Variants in DNAH3 observed in about 807,000 individuals in gnomAD.
The protein encoded by DNAH3 is axonemal beta dynein heavy chain 3.
DNAH3 carries 332 observed loss-of-function variants against 432.5 expected under a neutral mutation model. That is an observed-to-expected ratio of 0.77 (90% CI 0.70 to 0.84). The LOEUF is 0.84. Ranked by LOEUF, DNAH3 falls within the 40% of genes least tolerant of loss-of-function variation. DNAH3 has a pLI of 0.00. For synonymous variants in DNAH3, 1,956 were observed against 1,900.2 expected (o/e 1.03, Z -0.76); for missense variants, 4,861 against 5,114.0 (o/e 0.95, Z 1.51).
chr16:21,159,409 C>G (rs1345133949), exon 1 of DNAH3: 5 of 1,614,016 alleles, frequency 3.1e-6, no homozygotes, highest in African/African-American at 1.3e-5. Context: ...GAGGGGCGGC[C>G]AGTGTGAGCT....
chr16:20,960,183 A>T (rs947478747), intron 53 of DNAH3, among the ~76,000 whole-genome samples: 69 of 152,134 alleles, frequency 4.5e-4, no homozygotes, highest in Non-Finnish European at 9.1e-4. Flanking sequence ...GGTCTCTTCC[A>T]CACTAGTACA....
intron 37 of DNAH3, among the ~76,000 whole-genome samples, chr16:21,027,373 C>T (rs907785988): frequency 3.3e-5 from 5 of 152,028 alleles, no homozygotes; most frequent in Admixed American, 1.3e-4. Flanking sequence ...ATATAGTGTT[C>T]GAAGTGGTGA....
At chr16:21,085,934 TATTA>T (rs946006516) in intron 19 of DNAH3, among the ~76,000 whole-genome samples, 3 of 152,076 alleles carry the variant, frequency 2.0e-5, no homozygotes, top group African/African-American at 7.2e-5. Context: ...ACCTAGCTAA[TATTA>T]ATTAATTAAT....
exon 3 of DNAH3, chr16:21,145,241 A>G: frequency 6.2e-7 from 1 of 1,613,584 alleles, no homozygotes; most frequent in Non-Finnish European, 8.5e-7. Context: ...GCCGGTTGGT[A>G]GACCTTCAGC....
At chr16:21,025,508 TAAC>T (rs2088502951) in intron 38 of DNAH3, among the ~76,000 whole-genome samples, 2 of 147,446 alleles carry the variant, frequency 1.4e-5, no homozygotes, top group Admixed American at 1.4e-4. Context: ...ATTATAGATA[TAAC>T]ATATTTATAG....
exon 46 of DNAH3, chr16:20,987,809 T>C (rs2086276988): frequency 6.2e-7 from 1 of 1,614,126 alleles, no homozygotes; most frequent in South Asian, 1.1e-5. Context: ...ACTGCATCTC[T>C]ATAAATTGTC....
chr16:21,043,098 TCTTTGCTATTGTGAATAATGCTGCA>T (rs1449294666), intron 31 of DNAH3, among the ~76,000 whole-genome samples: 3 of 152,080 alleles, frequency 2.0e-5, no homozygotes, highest in Non-Finnish European at 2.9e-5. Context: ...TGGTTCCAAG[TCTTTGCTATTGTGAATAATGCTGCA>T]GTAAACATAC....
chr16:21,119,407 A>G (rs13333275), intron 11 of DNAH3, among the ~76,000 whole-genome samples: 36,965 of 151,602 alleles, frequency 0.24, 4,601 homozygotes, highest in East Asian at 0.31. Flanking sequence ...AGAGGCAGGC[A>G]GATCGCTTGA....
chr16:21,120,438 G>A (rs549960439), intron 11 of DNAH3, among the ~76,000 whole-genome samples: 2 of 152,020 alleles, frequency 1.3e-5, no homozygotes, highest in East Asian at 1.9e-4. Flanking sequence ...CCATATATAC[G>A]GCAGATCTTG....
chr16:21,115,878 G>A (rs965328501), intron 12 of DNAH3, among the ~76,000 whole-genome samples: 1 of 152,076 alleles, frequency 6.6e-6, no homozygotes, highest in Non-Finnish European at 1.5e-5. Context: ...TTCCAAATAT[G>A]AGGCCATGAT....
intron 57 of DNAH3, 29 bp from the exon 58 acceptor site, chr16:20,944,692 A>G (rs768372250): frequency 1.4e-5 from 22 of 1,612,196 alleles, no homozygotes; most frequent in East Asian, 8.9e-5. Flanking sequence ...GTTGAAATCA[A>G]CGAGGGACCC....
At chr16:21,047,954 C>A (rs1306732867) in intron 31 of DNAH3, among the ~76,000 whole-genome samples, 3 of 151,996 alleles carry the variant, frequency 2.0e-5, no homozygotes, top group South Asian at 4.2e-4. Context: ...GTCAGTGTGC[C>A]CCTGCTGGGG....
chr16:21,039,213 GCTT>G (rs2089311568), intron 33 of DNAH3, among the ~76,000 whole-genome samples: 2 of 103,628 alleles, frequency 1.9e-5, no homozygotes, highest in Non-Finnish European at 2.0e-5. Context: ...TTATAGTGTT[GCTT>G]TTTTTTTTTT....
intron 61 of DNAH3, among the ~76,000 whole-genome samples, chr16:20,934,241 T>C (rs961842823): frequency 2.6e-5 from 4 of 152,240 alleles, no homozygotes; most frequent in African/African-American, 9.6e-5. Context: ...AAGTATATAT[T>C]GGAAGAATAG....
chr16:20,985,733 C>G lies in DNAH3; in HGVS notation c.7027-18G>C. The G allele has an allele frequency of 6.2e-7, 1 of 1,603,258 alleles. No individual in the cohort carries two copies. Among genetic ancestry groups the G allele is most frequent in the Admixed American group, 1.7e-5 (1 of 59,418 alleles). On this transcript the variant is annotated intron_variant, in intron 47 of 61. Coordinates refer to ENST00000261383, the Ensembl canonical transcript of DNAH3. ...ATAAGCACCTGTAAGAAAAGTAAATCTCGGCGGGGCATTCAGTGAATGGCC... is the reference window on the plus strand; with the variant it reads ...ATAAGCACCTGTAAGAAAAGTAAATGTCGGCGGGGCATTCAGTGAATGGCC...
exon 53 of DNAH3, chr16:20,963,894 C>G: frequency 6.2e-7 from 1 of 1,614,076 alleles, no homozygotes; most frequent in Non-Finnish European, 8.5e-7. Flanking sequence ...TCAAGGAATG[C>G]ATGTAGAGAT....
At chr16:20,987,309 T>C in exon 47 of DNAH3, 1 of 1,614,138 alleles carries the variant, frequency 6.2e-7, no homozygotes, top group East Asian at 2.2e-5. Flanking sequence ...GTTTACCTTC[T>C]CTATGGTCTG....
intron 44 of DNAH3, among the ~76,000 whole-genome samples, chr16:20,989,119 G>A (rs908160384): frequency 6.6e-6 from 1 of 152,350 alleles, no homozygotes; most frequent in East Asian, 1.9e-4. Context: ...GGTTACCACT[G>A]CTGGCTCGGG....
At chr16:20,992,177 C>A (rs112119088) in intron 44 of DNAH3, among the ~76,000 whole-genome samples, 1 of 151,842 alleles carries the variant, frequency 6.6e-6, no homozygotes, top group African/African-American at 2.4e-5. Context: ...AGATAAATTT[C>A]AATCCATTGA....
Sources: gnomAD v4.1 joint callset for allele counts (sites outside exome capture counted in the v4.1 genomes callset) on GRCh38, gnomAD v4.1.1 for gene constraint, MANE v1.5 for transcripts, NCBI Gene and HGNC (gene_info 2026-07-23, HGNC 2026-07-21) for gene names.